The following EVL variants were observed in gnomAD, a reference collection of about 807,000 sequenced individuals.
The protein encoded by EVL is ena/VASP-like protein.
In EVL, 21 loss-of-function variants were observed where a neutral mutation model predicts 59.6. The ratio of observed to expected loss-of-function variants is 0.35; its 90% CI spans 0.25 to 0.51. The LOEUF is 0.51. Among genes scored for constraint, EVL ranks in the 20% least tolerant of loss-of-function variants. The pLI is 0.97. For missense variants in EVL, 462 were observed against 546.6 expected (o/e 0.85, Z 1.54); for synonymous variants, 198 against 203.5 (o/e 0.97, Z 0.23).
chr14:100,137,774 A>G lies in EVL; in HGVS notation c.1066A>G (p.Ser356Gly). Residue 356 changes from serine (S) to glycine (G), a missense_variant, in exon 11 of 14, where the codon AGC becomes GGC. Physicochemically the swap from Ser to Gly is moderately conservative, Grantham distance 56. Coordinates refer to ENST00000392920, the MANE Select transcript of EVL (RefSeq NM_016337.3). ...TGTGGCAAAGAGCCCCGAAGCTAAG[A>G]GCCCCCTTCAGTCGCAGCCTCACTC... is the stretch of plus-strand genomic sequence containing the variant. ...PSVAKSPEAK[S>G]PLQSQPHSRM... 6.2e-7 allele frequency: 1 copy of G among 1,614,104 alleles called. No individual in the cohort carries two copies. Among genetic ancestry groups the G allele is most frequent in the South Asian group, 1.1e-5 (1 of 91,086 alleles).
intron 1 of EVL, among the ~76,000 whole-genome samples, chr14:100,047,110 C>A (rs2061561421): frequency 9.3e-5 from 2 of 21,546 alleles, no homozygotes; most frequent in South Asian, 1.7e-3. Context: ...TTGGGCAGAT[C>A]TCTCTCTCTT....
At chr14:100,031,130 T>A (rs2061308579) in intron 1 of EVL, among the ~76,000 whole-genome samples, 1 of 152,196 alleles carries the variant, frequency 6.6e-6, no homozygotes, top group Non-Finnish European at 1.5e-5. Context: ...AGAGTGACTT[T>A]CAACTTGGGA....
chr14:100,080,275 A>G (rs1233347214), intron 1 of EVL, among the ~76,000 whole-genome samples: 1 of 152,240 alleles, frequency 6.6e-6, no homozygotes, highest in Non-Finnish European at 1.5e-5. Flanking sequence ...TTTGGGCTGC[A>G]TTCAAAGCTG....
rs564228409 is a variant in EVL at position 99,972,681 on chromosome 14, C to G, written c.5+624C>G. Among the ~76,000 whole-genome samples the G allele has an allele frequency of 8.5e-5, 13 of 152,282 alleles. No individual in the cohort carries two copies. Among genetic ancestry groups the G allele is most frequent in the African/African-American group, 3.1e-4 (13 of 41,556 alleles). ...GTTGATGTATCACCCAGCTCGGGAGCCTGCTGATTATCAGGCCAAGAAATA... is the reference window on the plus strand; with the variant it reads ...GTTGATGTATCACCCAGCTCGGGAGGCTGCTGATTATCAGGCCAAGAAATA... On this transcript the variant is annotated intron_variant, in intron 1 of 13. Transcript: ENST00000402714. This position sits in a 1 kb window ranked among gnomAD's most constrained non-coding sequence, Gnocchi z 4.4.
chr14:100,086,650 C>T (rs911712704), intron 2 of EVL, among the ~76,000 whole-genome samples: 1 of 152,218 alleles, frequency 6.6e-6, no homozygotes, highest in Non-Finnish European at 1.5e-5. Context: ...GAGGAAACCA[C>T]ATGTTGAGAA....
intron 2 of EVL, among the ~76,000 whole-genome samples, chr14:100,088,606 T>C (rs1290354365): frequency 6.6e-6 from 1 of 152,194 alleles, no homozygotes; most frequent in Admixed American, 6.5e-5. Context: ...TACGTGAGCA[T>C]AGAAAAAGTA....
In EVL at chr14:100,108,513, A is replaced by G. The variant is rs1886728788; in HGVS notation, c.358+10855A>G. ...CTGCCCTCTGGCGGCCACTTTCTGAAAGCCGGATATGTCTCTTTGCTGACC... is the reference window on the plus strand; with the variant it reads ...CTGCCCTCTGGCGGCCACTTTCTGAGAGCCGGATATGTCTCTTTGCTGACC... On this transcript the variant is annotated intron_variant, in intron 3 of 13. Coordinates refer to ENST00000392920, the MANE Select transcript of EVL (RefSeq NM_016337.3). The surrounding 1 kb of genome is among the most constrained non-coding windows in gnomAD (Gnocchi z 4.1). 6.6e-6 allele frequency among the ~76,000 whole-genome samples: 1 copy of G among 151,910 alleles called. No homozygotes were observed. Among genetic ancestry groups the G allele is most frequent in the African/African-American group, 2.4e-5 (1 of 41,346 alleles).
At chr14:100,136,035 G>C in intron 9 of EVL, 67 bp downstream of exon 9, 2 of 1,556,306 alleles carry the variant, frequency 1.3e-6, no homozygotes, top group Non-Finnish European at 1.8e-6. Flanking sequence ...GGGACCCTTC[G>C]GACAGGACCC....
intron 1 of EVL, among the ~76,000 whole-genome samples, chr14:100,057,914 T>C (rs2061759298): frequency 6.6e-6 from 1 of 152,208 alleles, no homozygotes. Flanking sequence ...CTGTCCTCCT[T>C]TTCTCTACTC....
chr14:100,019,848 C>A (rs767940869), intron 1 of EVL, among the ~76,000 whole-genome samples: 5 of 152,122 alleles, frequency 3.3e-5, no homozygotes, highest in Non-Finnish European at 7.4e-5. Flanking sequence ...GTGGGAGGTG[C>A]AGAGGTGGTG....
rs989803142 is a variant in EVL, at chr14:100,109,884, C to T, written c.358+12226C>T. ...GTGAACTCGGATCTGGTTCCAGTAC[C>T]AGCTGTGCCAGGAGTGTGCCCTTGG... On this transcript the variant is annotated intron_variant, in intron 3 of 13. Coordinates refer to ENST00000392920, the MANE Select transcript of EVL (RefSeq NM_016337.3). This position sits in a 1 kb window ranked among gnomAD's most constrained non-coding sequence, Gnocchi z 4.3. The T allele has an allele frequency of 7.9e-6, 3 of 377,942 alleles. No homozygotes were observed. The highest frequency in any genetic ancestry group is 6.3e-5 in the African/African-American group (3 of 47,624). 23.4% of individuals were successfully genotyped at this position (377,942 alleles called of 1,614,324 possible).
At chr14:100,126,853 C>A in intron 5 of EVL, 82 bp downstream of exon 5, 3 of 1,380,470 alleles carry the variant, frequency 2.2e-6, no homozygotes, top group Non-Finnish European at 3.0e-6. Flanking sequence ...CCCAGGGACA[C>A]ACGGGGCGCT....
intron 1 of EVL, chr14:99,977,917 A>C (rs1197030755): frequency 1.3e-5 from 2 of 151,614 alleles, no homozygotes; most frequent in Non-Finnish European, 2.9e-5. Flanking sequence ...CCAGCATGGC[A>C]AAACCCCCAT....
At chr14:100,003,335 T>C (rs918259807) in intron 1 of EVL, among the ~76,000 whole-genome samples, 2 of 152,222 alleles carry the variant, frequency 1.3e-5, no homozygotes, top group African/African-American at 4.8e-5. Flanking sequence ...GTCAAAGCCC[T>C]GTAACTCAGT....
intron 1 of EVL, among the ~76,000 whole-genome samples, chr14:100,050,242 T>G (rs2061624358): frequency 6.6e-6 from 1 of 152,248 alleles, no homozygotes. Flanking sequence ...CTTTGAGTTT[T>G]CTGTCTTTAA....
At chr14:99,997,315 A>G (rs1261694042) in intron 1 of EVL, among the ~76,000 whole-genome samples, 1 of 152,270 alleles carries the variant, frequency 6.6e-6, no homozygotes, top group Non-Finnish European at 1.5e-5. Context: ...TAGGTGTTTA[A>G]TGATCACAAT....
chr14:100,086,264 C>G (rs1295966246), intron 2 of EVL, among the ~76,000 whole-genome samples: 3 of 152,242 alleles, frequency 2.0e-5, no homozygotes, highest in Non-Finnish European at 4.4e-5. Context: ...TTCCAATTCA[C>G]TAATTCTAGA....
intron 3 of EVL, chr14:100,107,250 G>T: frequency 2.5e-6 from 1 of 398,682 alleles, no homozygotes; most frequent in Non-Finnish European, 4.4e-6. Flanking sequence ...AGGAGAGCAG[G>T]GCCCTGGTGG....
chr14:99,995,425 A>G (rs1295672576), intron 1 of EVL, among the ~76,000 whole-genome samples: 1 of 151,890 alleles, frequency 6.6e-6, no homozygotes, highest in Non-Finnish European at 1.5e-5. Flanking sequence ...GAACCCCTCT[A>G]GTTAATTTTT....
Sources: gnomAD v4.1 joint callset for allele counts (sites outside exome capture counted in the v4.1 genomes callset) on GRCh38, gnomAD v4.1.1 for gene constraint, Gnocchi (gnomAD v3.1) non-coding constraint, MANE v1.5 for transcripts, NCBI Gene and HGNC (gene_info 2026-07-23, HGNC 2026-07-21) for gene names.